RFTN2: variants seen among roughly 807,000 people sequenced by gnomAD.
RFTN2 encodes the protein raftlin family member 2.
In RFTN2, 34 loss-of-function variants were observed where a neutral mutation model predicts 52.7. The observed-to-expected ratio is 0.64, with a 90% CI of 0.49 to 0.86. The LOEUF is 0.86. Ranked by LOEUF, RFTN2 falls within the 40% of genes least tolerant of loss-of-function variation. The pLI is 0.00. For missense variants in RFTN2, 536 were observed against 600.1 expected (o/e 0.89, Z 1.12); for synonymous variants, 203 against 217.7 (o/e 0.93, Z 0.59).
intron 1 of RFTN2, among the ~76,000 whole-genome samples, chr2:197,671,589 A>G (rs1403550902): frequency 6.6e-6 from 1 of 152,272 alleles, no homozygotes; most frequent in Non-Finnish European, 1.5e-5. Context: ...TGAATACAAA[A>G]TATCCGAGGG....
rs1416885852 is a variant in RFTN2, at chr2:197,640,414, C to A, written c.438+3744G>T. ...TCCGTGGGCGTAGGACCCTCCGAGC[C>A]AGGTGCCGGATATAATCTCGTGGTG... On this transcript the variant is annotated intron_variant, in intron 3 of 8. Transcript: ENST00000295049. 1.3e-5 allele frequency among the ~76,000 whole-genome samples: 2 copies of A among 152,248 alleles called. 1 individual carries two copies. The highest frequency in any genetic ancestry group is 3.9e-4 in the East Asian group (2 of 5,190).
chr2:197,631,909 T>G (rs1349903344), intron 4 of RFTN2, among the ~76,000 whole-genome samples: 1 of 152,166 alleles, frequency 6.6e-6, no homozygotes, highest in African/African-American at 2.4e-5. Flanking sequence ...AGTATCTGGA[T>G]TCCATGGATT....
At chr2:197,595,088 A>G (rs898240746) in intron 8 of RFTN2, among the ~76,000 whole-genome samples, 1 of 152,226 alleles carries the variant, frequency 6.6e-6, no homozygotes, top group East Asian at 1.9e-4. Context: ...TCATTCAATC[A>G]TTGTATTCCA....
intron 1 of RFTN2, among the ~76,000 whole-genome samples, chr2:197,671,373 T>A (rs2089144863): frequency 6.6e-6 from 1 of 152,212 alleles, no homozygotes; most frequent in Admixed American, 6.5e-5. Context: ...CAAAATTGAT[T>A]TCTCCTTTTT....
chr2:197,634,082 G>A (rs1275775594), intron 3 of RFTN2, 85 bp from the exon 4 acceptor site: 2 of 1,145,252 alleles, frequency 1.7e-6, no homozygotes, highest in African/African-American at 1.5e-5. Context: ...GGCTTATTGA[G>A]GAAATCCACT....
chr2:197,646,746 C>A, intron 1 of RFTN2, 80 bp from the exon 2 acceptor site: 1 of 1,123,672 alleles, frequency 8.9e-7, no homozygotes, highest in Non-Finnish European at 1.3e-6. Context: ...GGTGATAATA[C>A]TAATGAATAG....
intron 3 of RFTN2, among the ~76,000 whole-genome samples, chr2:197,643,916 G>T (rs1239767389): frequency 6.6e-6 from 1 of 151,984 alleles, no homozygotes; most frequent in Non-Finnish European, 1.5e-5. Context: ...ATTTCATCAG[G>T]TTTGTCATTA....
chr2:197,583,097 G>A (rs531010161), intron 8 of RFTN2, among the ~76,000 whole-genome samples: 72 of 152,234 alleles, frequency 4.7e-4, no homozygotes, highest in Non-Finnish European at 5.4e-4. Flanking sequence ...CAAGCCATTA[G>A]CCCGCCTCTT....
At chr2:197,587,319 ATTTTG>A (rs1345675825) in intron 8 of RFTN2, among the ~76,000 whole-genome samples, 1 of 151,816 alleles carries the variant, frequency 6.6e-6, no homozygotes, top group Non-Finnish European at 1.5e-5. Context: ...CTTTACCACT[ATTTTG>A]TTTTATTTTT....
At chr2:197,672,428 A>G (rs1268860933) in intron 1 of RFTN2, among the ~76,000 whole-genome samples, 1 of 152,204 alleles carries the variant, frequency 6.6e-6, no homozygotes, top group African/African-American at 2.4e-5. Flanking sequence ...CTTGATGATT[A>G]TGTATCAGAG....
chr2:197,634,879 C>T (rs1002418489), intron 3 of RFTN2, among the ~76,000 whole-genome samples: 2 of 145,140 alleles, frequency 1.4e-5, no homozygotes, highest in African/African-American at 5.1e-5. Context: ...AATGCTATAG[C>T]TCCCCCCTCC....
At chr2:197,626,867 C>G (rs2088373822) in intron 5 of RFTN2, among the ~76,000 whole-genome samples, 1 of 151,810 alleles carries the variant, frequency 6.6e-6, no homozygotes, top group Non-Finnish European at 1.5e-5. Flanking sequence ...ATCCGCCCAC[C>G]CCAGCCTCCC....
At chr2:197,616,483 G>A (rs939740698) in intron 6 of RFTN2, among the ~76,000 whole-genome samples, 7 of 151,596 alleles carry the variant, frequency 4.6e-5, no homozygotes, top group Admixed American at 1.3e-4. Flanking sequence ...GTAGAGATGG[G>A]GTCTCACTAT....
At chr2:197,654,163 G>A (rs867149338) in intron 1 of RFTN2, among the ~76,000 whole-genome samples, 1 of 152,104 alleles carries the variant, frequency 6.6e-6, no homozygotes, top group Non-Finnish European at 1.5e-5. Context: ...TGAGGTGGGC[G>A]GATCACTTGA....
intron 1 of RFTN2, among the ~76,000 whole-genome samples, chr2:197,657,016 T>G (rs1383796876): frequency 7.5e-6 from 1 of 132,452 alleles, no homozygotes; most frequent in Non-Finnish European, 1.7e-5. Context: ...ACCTTCTCAG[T>G]TAAAAAAATA....
chr2:197,599,937 C>T (rs2087855085), intron 7 of RFTN2, among the ~76,000 whole-genome samples: 1 of 152,150 alleles, frequency 6.6e-6, no homozygotes, highest in South Asian at 2.1e-4. Flanking sequence ...GGGCTCACTG[C>T]AACCTCTGCC....
chr2:197,664,771 C>T (rs967238796), intron 1 of RFTN2, among the ~76,000 whole-genome samples: 11 of 151,992 alleles, frequency 7.2e-5, no homozygotes, highest in African/African-American at 2.2e-4. Context: ...GGCAACAGAG[C>T]GAGAACTTAT....
At chr2:197,648,217 A>G (rs2088780554) in intron 1 of RFTN2, among the ~76,000 whole-genome samples, 2 of 152,348 alleles carry the variant, frequency 1.3e-5, no homozygotes, top group African/African-American at 4.8e-5. Flanking sequence ...ACATGATGAG[A>G]CAAATCCACC....
At chr2:197,634,747 T>A (rs1001601251) in intron 3 of RFTN2, among the ~76,000 whole-genome samples, 5 of 151,678 alleles carry the variant, frequency 3.3e-5, no homozygotes, top group African/African-American at 1.2e-4. Flanking sequence ...TTATTTATTT[T>A]TATTATACTT....
Sources: allele counts gnomAD v4.1 joint callset (sites outside exome capture counted in the v4.1 genomes callset), GRCh38; gene constraint gnomAD v4.1.1; transcripts MANE v1.5; gene names NCBI Gene and HGNC (gene_info 2026-07-23, HGNC 2026-07-21).